Variants in PIP5K1B observed in about 807,000 individuals in gnomAD.
PIP5K1B encodes phosphatidylinositol 4-phosphate 5-kinase type-1 beta.
PIP5K1B carries 42 observed loss-of-function variants against 67.0 expected under a neutral mutation model. That is an observed-to-expected ratio of 0.63 (90% CI 0.49 to 0.81). PIP5K1B has a LOEUF of 0.81. Ranked by LOEUF, PIP5K1B falls within the 30% of genes least tolerant of loss-of-function variation. The pLI, the probability that PIP5K1B is intolerant of heterozygous loss-of-function variation, is 0.00. For synonymous variants in PIP5K1B, 214 were observed against 231.4 expected (o/e 0.92, Z 0.68); for missense variants, 459 against 646.3 (o/e 0.71, Z 3.14).
chr9:68,712,922 C>T (rs939013825), intron 1 of PIP5K1B, among the ~76,000 whole-genome samples: 7 of 152,180 alleles, frequency 4.6e-5, no homozygotes, highest in African/African-American at 1.7e-4. Flanking sequence ...CTAATTAAGA[C>T]ACTTTGGTGT....
intron 4 of PIP5K1B, among the ~76,000 whole-genome samples, chr9:68,850,349 T>G (rs4745328): frequency 5.3e-5 from 8 of 151,972 alleles, no homozygotes; most frequent in Non-Finnish European, 1.5e-5. Flanking sequence ...ATCACAAGGT[T>G]TCCGAACCTC....
rs1827285079 is a variant in PIP5K1B, at chr9:68,936,766, C to T, written c.1357+1721C>T. ...CCTCTCCGAATTGGTGTCTCCAATT[C>T]CTAGCAGACATTCATCCCTTTCTCC... On this transcript the variant is annotated intron_variant, in intron 13 of 15. Coordinates refer to ENST00000265382, the MANE Select transcript of PIP5K1B (RefSeq NM_003558.4). 2.0e-5 allele frequency among the ~76,000 whole-genome samples: 3 copies of T among 152,144 alleles called. No homozygotes were observed. The South Asian group carries it at 6.2e-4, about 32-fold the overall frequency.
chr9:68,788,505 T>C, intron 2 of PIP5K1B: 1 of 359,414 alleles, frequency 2.8e-6, no homozygotes, highest in Non-Finnish European at 5.1e-6. Flanking sequence ...TTTTGTTTTT[T>C]AGTAATAGGT....
chr9:68,940,695 G>A lies in PIP5K1B; in HGVS notation c.1407G>A (p.Leu469=), dbSNP rs756752797. The change falls in exon 14 of 16, where the codon CTG becomes CTA. Residue 469 remains leucine, a synonymous_variant. Transcript: ENST00000265382. ...RPDLVPSTPS[L]FEAASLATTI... ...ACCTGGTCCCTAGCACTCCATCACT[G>A]TTTGAAGCTGCTTCCTTGGCAACCA... 1.7e-5 allele frequency: 28 copies of A among 1,613,936 alleles called. No homozygotes were observed. In the Admixed American group the frequency reaches 4.5e-4, roughly 26 times the overall value.
intron 13 of PIP5K1B, among the ~76,000 whole-genome samples, chr9:68,938,227 G>T (rs778521501): frequency 6.6e-6 from 1 of 152,154 alleles, no homozygotes; most frequent in Admixed American, 6.5e-5. Flanking sequence ...TATTGTGTGG[G>T]AGTCTAAGTC....
At position 68,995,527 on chromosome 9, in the gene PIP5K1B, C is replaced by T. The variant is rs547203541; in HGVS notation, c.1620+4270C>T. The stretch of plus-strand genomic sequence containing the variant: ...TCCATATGAAAAAGCAAATGGAGGC[C>T]GGGCACAGTGGCTCATGCCTGTAAT... On this transcript the variant is annotated intron_variant, in intron 15 of 15. Coordinates refer to ENST00000265382, the MANE Select transcript of PIP5K1B (RefSeq NM_003558.4). Among the ~76,000 whole-genome samples the T allele has an allele frequency of 1.3e-3, 201 of 152,234 alleles. 1 individual carries two copies. Among genetic ancestry groups the T allele is most frequent in the African/African-American group, 4.5e-3 (189 of 41,544 alleles).
chr9:68,951,030 G>A (rs1045327998), intron 14 of PIP5K1B, among the ~76,000 whole-genome samples: 4 of 152,220 alleles, frequency 2.6e-5, no homozygotes, highest in African/African-American at 9.7e-5. Context: ...ATAGTTATGG[G>A]TGCAGGAGAA....
At chr9:68,762,805 G>A (rs930914479) in intron 2 of PIP5K1B, among the ~76,000 whole-genome samples, 1 of 152,094 alleles carries the variant, frequency 6.6e-6, no homozygotes, top group Non-Finnish European at 1.5e-5. Context: ...GTTTATGAGT[G>A]TATGGGATGT....
At chr9:68,717,934 A>G (rs12552346) in intron 1 of PIP5K1B, among the ~76,000 whole-genome samples, 1,657 of 152,262 alleles carry the variant, frequency 0.011, 10 homozygotes, top group Middle Eastern at 0.027. Flanking sequence ...CTTCCACCAT[A>G]CACTGGTCAT....
chr9:68,745,818 G>A (rs558983274), intron 2 of PIP5K1B, among the ~76,000 whole-genome samples: 7 of 152,152 alleles, frequency 4.6e-5, no homozygotes, highest in Admixed American at 2.6e-4. Context: ...TTCTGTTACC[G>A]CAATTCCCTT....
intron 14 of PIP5K1B, among the ~76,000 whole-genome samples, chr9:68,964,307 T>G (rs1035364604): frequency 1.9e-4 from 29 of 152,344 alleles, no homozygotes; most frequent in African/African-American, 6.7e-4. Flanking sequence ...TATAAAAGGA[T>G]GATTATGATG....
chr9:68,887,414 A>C (rs1256132946), intron 6 of PIP5K1B, among the ~76,000 whole-genome samples: 1 of 152,176 alleles, frequency 6.6e-6, no homozygotes, highest in Non-Finnish European at 1.5e-5. Context: ...AGAACATGAG[A>C]AGTTAGTCTC....
intron 15 of PIP5K1B, among the ~76,000 whole-genome samples, chr9:68,996,666 G>A (rs868115816): frequency 3.3e-5 from 5 of 152,146 alleles, no homozygotes; most frequent in South Asian, 2.1e-4. Flanking sequence ...TTTCTAAGGC[G>A]GCTTCTTTGC....
chr9:68,757,603 G>A (rs1829991584), intron 2 of PIP5K1B, among the ~76,000 whole-genome samples: 1 of 152,106 alleles, frequency 6.6e-6, no homozygotes, highest in Non-Finnish European at 1.5e-5. Flanking sequence ...TCTTTAATAT[G>A]ACTTTCTAAG....
chr9:68,780,228 G>A (rs1319633832), intron 2 of PIP5K1B: 13 of 1,542,878 alleles, frequency 8.4e-6, no homozygotes, highest in Non-Finnish European at 9.6e-6. Context: ...GAGCCCGGCG[G>A]AGGGCGGTGG....
intron 12 of PIP5K1B, among the ~76,000 whole-genome samples, chr9:68,933,316 G>A (rs1587687154): frequency 6.8e-6 from 1 of 146,348 alleles, no homozygotes; most frequent in South Asian, 2.2e-4. Flanking sequence ...ATAAAAGTTA[G>A]CAGATAGAAT....
chr9:68,858,980 G>C (rs528306546), intron 4 of PIP5K1B, among the ~76,000 whole-genome samples: 1 of 152,070 alleles, frequency 6.6e-6, no homozygotes, highest in South Asian at 2.1e-4. Context: ...CTCATTGTTC[G>C]CTGCTTCTCA....
intron 1 of PIP5K1B, among the ~76,000 whole-genome samples, chr9:68,714,514 G>A (rs1300522036): frequency 6.6e-6 from 1 of 152,170 alleles, no homozygotes; most frequent in Admixed American, 6.5e-5. Context: ...GGGTCTCCTA[G>A]AATCCATTAC....
chr9:68,793,416 C>G (rs545369664), intron 2 of PIP5K1B, among the ~76,000 whole-genome samples: 1 of 152,084 alleles, frequency 6.6e-6, no homozygotes, highest in East Asian at 1.9e-4. Context: ...ATCCAGCAAT[C>G]CAGGTAAGAG....
Sources: gnomAD v4.1 joint callset for allele counts (sites outside exome capture counted in the v4.1 genomes callset) on GRCh38, gnomAD v4.1.1 for gene constraint, MANE v1.5 for transcripts, NCBI Gene and HGNC (gene_info 2026-07-23, HGNC 2026-07-21) for gene names.